The following SPOCK3 variants were observed in gnomAD, a reference collection of about 807,000 sequenced individuals.
SPOCK3 encodes SPARC (osteonectin), cwcv and kazal like domains proteoglycan 3, also known as testican-3.
Under a neutral mutation model 56.6 loss-of-function variants are expected in SPOCK3, and 30 were observed. The ratio of observed to expected loss-of-function variants is 0.53; its 90% CI spans 0.40 to 0.72. The LOEUF (loss-of-function observed/expected upper bound fraction) is 0.72, where lower values mean the gene tolerates loss of function less well. Ranked by LOEUF, SPOCK3 falls within the 30% of genes least tolerant of loss-of-function variation. The pLI is 0.00. For synonymous variants in SPOCK3, 196 were observed against 183.3 expected (o/e 1.07, Z -0.56); for missense variants, 527 against 530.0 (o/e 0.99, Z 0.06).
chr4:167,143,893 G>C (rs928440620), intron 2 of SPOCK3, among the ~76,000 whole-genome samples: 2 of 151,968 alleles, frequency 1.3e-5, no homozygotes, highest in African/African-American at 4.8e-5. Flanking sequence ...GGATTGGAAA[G>C]TGGCATGAGA....
chr4:166,951,180 G>T (rs1431589418), intron 4 of SPOCK3, among the ~76,000 whole-genome samples: 1 of 143,644 alleles, frequency 7.0e-6, no homozygotes, highest in Non-Finnish European at 1.5e-5. Flanking sequence ...AAAATTGATA[G>T]ACTGCTAGCA....
chr4:167,070,719 G>C (rs185527722), intron 2 of SPOCK3, among the ~76,000 whole-genome samples: 1 of 151,804 alleles, frequency 6.6e-6, no homozygotes, highest in Non-Finnish European at 1.5e-5. Context: ...ATCTTATTAG[G>C]GGAAGAATGG....
intron 2 of SPOCK3, among the ~76,000 whole-genome samples, chr4:167,172,711 T>C (rs910005707): frequency 2.6e-5 from 4 of 152,130 alleles, no homozygotes; most frequent in Non-Finnish European, 5.9e-5. Context: ...ATAGAGAATA[T>C]CTACATATAT....
chr4:166,994,821 G>A (rs1748182833), intron 4 of SPOCK3, among the ~76,000 whole-genome samples: 1 of 152,022 alleles, frequency 6.6e-6, no homozygotes, highest in Non-Finnish European at 1.5e-5. Context: ...TCAACTAGGG[G>A]ATACTATGCT....
intron 7 of SPOCK3, among the ~76,000 whole-genome samples, chr4:166,768,169 G>A (rs976343843): frequency 6.6e-5 from 10 of 152,168 alleles, no homozygotes; most frequent in Admixed American, 3.3e-4. Flanking sequence ...CTTTTAATTC[G>A]AGCATTTAGC....
chr4:167,170,971 G>T (rs1200698496), intron 2 of SPOCK3, among the ~76,000 whole-genome samples: 2 of 152,104 alleles, frequency 1.3e-5, no homozygotes, highest in Non-Finnish European at 2.9e-5. Context: ...AGCAAATGGG[G>T]TGAGGAGAAG....
intron 2 of SPOCK3, among the ~76,000 whole-genome samples, chr4:167,227,775 G>C (rs1561347170): frequency 6.6e-6 from 1 of 152,076 alleles, no homozygotes; most frequent in Non-Finnish European, 1.5e-5. Context: ...GAAAACTAAA[G>C]TTGTGTGAGA....
At chr4:167,231,994 C>A (rs1336788156) in intron 2 of SPOCK3, among the ~76,000 whole-genome samples, 1 of 151,904 alleles carries the variant, frequency 6.6e-6, no homozygotes, top group Non-Finnish European at 1.5e-5. Flanking sequence ...TCAGTAAATC[C>A]TTTTTAAAAT....
At chr4:166,966,812 T>C (rs1325681717) in intron 4 of SPOCK3, among the ~76,000 whole-genome samples, 1 of 152,148 alleles carries the variant, frequency 6.6e-6, no homozygotes, top group Admixed American at 6.6e-5. Flanking sequence ...AGCAGAGTCT[T>C]GGGGATCCCA....
intron 5 of SPOCK3, among the ~76,000 whole-genome samples, chr4:166,911,250 C>G (rs200408543): frequency 3.3e-5 from 5 of 152,202 alleles, no homozygotes; most frequent in African/African-American, 1.2e-4. Context: ...CTAGTGTGTA[C>G]TATGTATTTA....
intron 2 of SPOCK3, among the ~76,000 whole-genome samples, chr4:167,068,485 T>A (rs1036475103): frequency 6.6e-6 from 1 of 151,716 alleles, no homozygotes; most frequent in Non-Finnish European, 1.5e-5. Flanking sequence ...ATCATTATGC[T>A]ACAAATGAAT....
intron 7 of SPOCK3, among the ~76,000 whole-genome samples, chr4:166,781,725 A>G (rs1371747296): frequency 6.6e-6 from 1 of 152,148 alleles, no homozygotes; most frequent in Non-Finnish European, 1.5e-5. Context: ...AACAAAATCT[A>G]GATGCACCAT....
At position 167,046,012 on chromosome 4, in the gene SPOCK3, C is replaced by T. The variant is rs570734259; in HGVS notation, c.235+16480G>A. Among the ~76,000 whole-genome samples, 5 of 152,270 alleles carry T rather than the reference C, an allele frequency of 3.3e-5. No individual in the cohort carries two copies. The South Asian group carries it at 1.0e-3, about 32-fold the overall frequency. ...GTATGTCTACTGGCAACAAATCCCT[C>T]GATTTTCCTTGTCTGGACAACTCTT... On this transcript the variant is annotated intron_variant, in intron 3 of 10. Coordinates refer to ENST00000357545, the MANE Select transcript of SPOCK3 (RefSeq NM_001040159.2).
chr4:166,777,712 A>G (rs1023289593), intron 7 of SPOCK3, among the ~76,000 whole-genome samples: 1 of 152,116 alleles, frequency 6.6e-6, no homozygotes, highest in Non-Finnish European at 1.5e-5. Context: ...ACCCTAGCCC[A>G]GGTCACAAAG....
chr4:167,055,837 G>T (rs1047387089), intron 3 of SPOCK3, among the ~76,000 whole-genome samples: 2 of 152,208 alleles, frequency 1.3e-5, no homozygotes, highest in Non-Finnish European at 2.9e-5. Flanking sequence ...GCTCAAGGAG[G>T]CCTGCCTGCC....
At chr4:166,851,833 A>G (rs1730124412) in intron 6 of SPOCK3, among the ~76,000 whole-genome samples, 1 of 152,056 alleles carries the variant, frequency 6.6e-6, no homozygotes, top group African/African-American at 2.4e-5. Context: ...TGCTGCTATA[A>G]AGACACATGC....
Position 166,812,387 on chromosome 4 carries a change from T to A in SPOCK3, c.590-20098A>T, listed in dbSNP as rs1379196570. Among the ~76,000 whole-genome samples, 4 of 151,834 alleles carry A rather than the reference T, an allele frequency of 2.6e-5. No individual in the cohort carries two copies. The East Asian group carries it at 7.7e-4, about 29-fold the overall frequency. ...ATGAAAAGTAAAGTTAACATAAGAA[T>A]TAAAGTTAACATAAAGTAAGAAAAC... On this transcript the variant is annotated intron_variant, in intron 6 of 10. Coordinates refer to ENST00000357545, the MANE Select transcript of SPOCK3 (RefSeq NM_001040159.2).
chr4:166,986,834 C>T (rs116105419), intron 4 of SPOCK3, among the ~76,000 whole-genome samples: 2 of 152,232 alleles, frequency 1.3e-5, no homozygotes, highest in African/African-American at 2.4e-5. Flanking sequence ...AACACACACA[C>T]ATGCACACAC....
chr4:166,746,283 C>T (rs890199919), intron 8 of SPOCK3, among the ~76,000 whole-genome samples: 1 of 152,160 alleles, frequency 6.6e-6, no homozygotes. Context: ...GAGATCATAA[C>T]AAACTGTCTC....
Sources: gnomAD v4.1 joint callset for allele counts (sites outside exome capture counted in the v4.1 genomes callset) on GRCh38, gnomAD v4.1.1 for gene constraint, MANE v1.5 for transcripts, NCBI Gene and HGNC (gene_info 2026-07-23, HGNC 2026-07-21) for gene names.